The following CNTNAP2 variants were observed in gnomAD, a reference collection of about 807,000 sequenced individuals.
The protein encoded by CNTNAP2 is contactin associated protein 2, also known as contactin-associated protein-like 2.
A neutral mutation model predicts 155.2 loss-of-function variants in CNTNAP2; 98 were observed. The ratio of observed to expected loss-of-function variants is 0.63; its 90% CI spans 0.54 to 0.75. The LOEUF (loss-of-function observed/expected upper bound fraction) is 0.75, where lower values mean the gene tolerates loss of function less well. Ranked by LOEUF, CNTNAP2 falls within the 30% of genes least tolerant of loss-of-function variation. The probability of loss-of-function intolerance (pLI) is 0.00; values close to 1 mark genes in which losing one functional copy is unlikely to be tolerated. For synonymous variants in CNTNAP2, 651 were observed against 631.2 expected, an observed-to-expected ratio of 1.03 and a Z score of -0.47; for missense variants, 1,727 against 1,688.1, an observed-to-expected ratio of 1.02 and a Z score of -0.40.
intron 20 of CNTNAP2, among the ~76,000 whole-genome samples, chr7:148,258,087 A>T (rs1266660881): frequency 6.6e-6 from 1 of 152,166 alleles, no homozygotes. Flanking sequence ...ATTAGATAAC[A>T]CTACAGAGAA....
intron 16 of CNTNAP2, among the ~76,000 whole-genome samples, chr7:148,119,105 TTGGCTGTGAGAGTCAGGGAGACTCCAC>T (rs1490591034): frequency 1.3e-5 from 2 of 152,160 alleles, no homozygotes; most frequent in Non-Finnish European, 2.9e-5. Context: ...TTGAACTCCG[TTGGCTGTGAGAGTCAGGGAGACTCCAC>T]TGGCTGTGAG....
intron 1 of CNTNAP2, among the ~76,000 whole-genome samples, chr7:146,302,919 A>G (rs975599981): frequency 1.3e-5 from 2 of 152,202 alleles, no homozygotes; most frequent in Non-Finnish European, 2.9e-5. Flanking sequence ...TAAATGTATT[A>G]TTCAACAAGA....
intron 13 of CNTNAP2, among the ~76,000 whole-genome samples, chr7:147,841,087 T>C (rs1196453977): frequency 1.3e-5 from 2 of 152,134 alleles, no homozygotes; most frequent in Admixed American, 1.3e-4. Flanking sequence ...ATTAGAAAAC[T>C]GTAGTAAATT....
At chr7:147,537,717 C>T (rs59930125) in intron 11 of CNTNAP2, among the ~76,000 whole-genome samples, 1 of 152,202 alleles carries the variant, frequency 6.6e-6, no homozygotes, top group East Asian at 1.9e-4. Context: ...TAACCATTTT[C>T]AAAGAAACGC....
At chr7:146,542,505 A>C (rs957785984) in intron 1 of CNTNAP2, among the ~76,000 whole-genome samples, 3 of 151,900 alleles carry the variant, frequency 2.0e-5, no homozygotes, top group African/African-American at 7.2e-5. Context: ...TTTATTTGAA[A>C]ATTCAGACCA....
chr7:148,294,984 TCAC>T (rs1797255778), intron 21 of CNTNAP2, among the ~76,000 whole-genome samples: 1 of 152,194 alleles, frequency 6.6e-6, no homozygotes, highest in Non-Finnish European at 1.5e-5. Flanking sequence ...CTAATTAACT[TCAC>T]CATTTGTCTA....
chr7:146,284,985 T>A (rs1006592905), intron 1 of CNTNAP2, among the ~76,000 whole-genome samples: 3 of 152,240 alleles, frequency 2.0e-5, no homozygotes, highest in Admixed American at 6.5e-5. Flanking sequence ...TTCCCAATGA[T>A]GTTCACCCAA....
chr7:146,524,731 A>G (rs1297884851), intron 1 of CNTNAP2, among the ~76,000 whole-genome samples: 1 of 152,160 alleles, frequency 6.6e-6, no homozygotes, highest in Non-Finnish European at 1.5e-5. Context: ...TTTAGGAGAT[A>G]TAAGAACATT....
At chr7:148,153,734 G>A (rs190476603) in intron 17 of CNTNAP2, among the ~76,000 whole-genome samples, 190 of 152,336 alleles carry the variant, frequency 1.2e-3, no homozygotes, top group Non-Finnish European at 2.1e-3. Context: ...TGATAGCAGC[G>A]GCAGGAGTGG....
intron 3 of CNTNAP2, among the ~76,000 whole-genome samples, chr7:146,899,976 A>G (rs1585145830): frequency 1.3e-5 from 2 of 152,332 alleles, no homozygotes; most frequent in South Asian, 2.1e-4. Flanking sequence ...GAAGTAAGCA[A>G]TAGTTTGAGA....
At chr7:148,339,676 C>T (rs1474785040) in intron 21 of CNTNAP2, 2 of 152,284 alleles carry the variant, frequency 1.3e-5, no homozygotes, top group African/African-American at 2.4e-5. Flanking sequence ...GAGCTGCCTC[C>T]CGGTGCAAGT....
rs144411357 is a variant in CNTNAP2, at chr7:148,033,957, A to G, written c.2383+55968A>G. Among the ~76,000 whole-genome samples, 466 of 152,348 alleles carry G rather than the reference A, an allele frequency of 3.1e-3. 2 individuals are homozygous for G. The highest frequency in any genetic ancestry group is 0.011 in the African/African-American group (442 of 41,586). ...AACAGGTAGCCAGTGATCATCAAAC[A>G]TTAGAGAAAGCATTCACCGTGACAG... On this transcript the variant is annotated intron_variant, in intron 15 of 23. Coordinates refer to ENST00000361727, the MANE Select transcript of CNTNAP2 (RefSeq NM_014141.6).
intron 15 of CNTNAP2, among the ~76,000 whole-genome samples, chr7:148,028,596 A>G (rs530217493): frequency 2.6e-5 from 4 of 152,316 alleles, no homozygotes; most frequent in South Asian, 2.1e-4. Context: ...CATATGTTGT[A>G]TACTTCTCAG....
rs1563160383 is a variant in CNTNAP2, at chr7:146,622,170, C to CAT, written c.98-152101_98-152100insAT. ...ACACACGTATATATATATACACACA[C>CAT]GTATATATATACACATATATACATA... is the stretch of plus-strand genomic sequence containing the variant. On this transcript the variant is annotated intron_variant, in intron 1 of 23. Transcript: ENST00000361727. Among the ~76,000 whole-genome samples, 950 of 147,558 alleles carry CAT rather than the reference C, an allele frequency of 6.4e-3. 7 individuals carry two copies. The highest frequency in any genetic ancestry group is 0.023 in the African/African-American group (906 of 39,810).
chr7:147,832,520 T>C (rs550100487), intron 13 of CNTNAP2, among the ~76,000 whole-genome samples: 1 of 145,092 alleles, frequency 6.9e-6, no homozygotes, highest in African/African-American at 2.5e-5. Context: ...TATTTAATTA[T>C]ATTTCAATAT....
chr7:148,337,520 CT>C (rs1798141826), intron 21 of CNTNAP2, among the ~76,000 whole-genome samples: 2 of 152,300 alleles, frequency 1.3e-5, no homozygotes, highest in South Asian at 4.2e-4. Flanking sequence ...CAGTCACATT[CT>C]TTTTGTTTGA....
intron 15 of CNTNAP2, among the ~76,000 whole-genome samples, chr7:148,075,220 T>A (rs1380445205): frequency 1.3e-5 from 2 of 152,200 alleles, no homozygotes; most frequent in Non-Finnish European, 2.9e-5. Context: ...GTGGATCACC[T>A]GACGTTAGGA....
At chr7:146,263,513 A>T (rs1799951433) in intron 1 of CNTNAP2, among the ~76,000 whole-genome samples, 1 of 152,152 alleles carries the variant, frequency 6.6e-6, no homozygotes, top group African/African-American at 2.4e-5. Flanking sequence ...TTCTAACCTC[A>T]TGGGCAGATT....
intron 12 of CNTNAP2, among the ~76,000 whole-genome samples, chr7:147,619,180 T>TA (rs1175163273): frequency 2.0e-5 from 3 of 152,248 alleles, no homozygotes; most frequent in Non-Finnish European, 4.4e-5. Flanking sequence ...AGACAGTATT[T>TA]AAAAAGCATT....
Sources: allele counts gnomAD v4.1 joint callset (sites outside exome capture counted in the v4.1 genomes callset), GRCh38; gene constraint gnomAD v4.1.1; transcripts MANE v1.5; gene names NCBI Gene and HGNC (gene_info 2026-07-23, HGNC 2026-07-21).